CADM1: variants seen among roughly 807,000 people sequenced by gnomAD.
CADM1 encodes cell adhesion molecule 1.
CADM1 carries 15 observed loss-of-function variants against 53.1 expected under a neutral mutation model. The ratio of observed to expected loss-of-function variants is 0.28; its 90% CI spans 0.19 to 0.44. The LOEUF (loss-of-function observed/expected upper bound fraction) is 0.44, where lower values mean the gene tolerates loss of function less well. CADM1 is among the 20% of genes least tolerant of loss of function. CADM1 has a pLI of 1.00. For missense variants in CADM1, 434 were observed against 611.3 expected, an observed-to-expected ratio of 0.71 and a Z score of 3.06; for synonymous variants, 281 against 243.0, an observed-to-expected ratio of 1.16 and a Z score of -1.45.
chr11:115,199,017 T>C (rs563790827), intron 8 of CADM1, among the ~76,000 whole-genome samples: 2 of 152,238 alleles, frequency 1.3e-5, no homozygotes, highest in Non-Finnish European at 2.9e-5. Flanking sequence ...AGTGTATTAT[T>C]TCAGCATAGT....
At chr11:115,308,188 AGG>A (rs1491091753) in intron 1 of CADM1, among the ~76,000 whole-genome samples, 28 of 93,662 alleles carry the variant, frequency 3.0e-4, no homozygotes, top group South Asian at 4.5e-4. Flanking sequence ...TATCACTCAT[AGG>A]TGTGTATATA....
At chr11:115,478,146 T>C (rs1949176304) in intron 1 of CADM1, among the ~76,000 whole-genome samples, 1 of 152,196 alleles carries the variant, frequency 6.6e-6, no homozygotes, top group Non-Finnish European at 1.5e-5. Context: ...AACTATAAAT[T>C]ATACATAAAA....
At chr11:115,385,864 A>T (rs1032017214) in intron 1 of CADM1, among the ~76,000 whole-genome samples, 1 of 152,236 alleles carries the variant, frequency 6.6e-6, no homozygotes, top group Non-Finnish European at 1.5e-5. Flanking sequence ...AGTATAAAAA[A>T]TAGAAGCAAA....
intron 9 of CADM1, among the ~76,000 whole-genome samples, chr11:115,196,595 T>TAAAAAAAAAAAAACAAAA (rs1940160645): frequency 1.3e-5 from 1 of 76,894 alleles, no homozygotes; most frequent in Non-Finnish European, 2.3e-5. Flanking sequence ...GCTGATGAAC[T>TAAAAAAAAAAAAACAAAA]AAAAAAAAAA....
At chr11:115,274,957 T>C (rs1943404498) in intron 1 of CADM1, among the ~76,000 whole-genome samples, 1 of 152,210 alleles carries the variant, frequency 6.6e-6, no homozygotes, top group African/African-American at 2.4e-5. Flanking sequence ...TTTGCTGCCA[T>C]GGTATTTTCA....
In CADM1 at chr11:115,240,263, T is replaced by G; in HGVS notation, c.271+11A>C. 6.2e-7 allele frequency: 1 copy of G among 1,613,266 alleles called. No homozygotes were observed. Among genetic ancestry groups the G allele is most frequent in the Non-Finnish European group, 8.5e-7 (1 of 1,179,656 alleles). ...AAGTTGCCATCTACAACTATAGAGATGGAAACTTACGCCTGAAGTCCCTGA... is the reference window on the plus strand; with the variant it reads ...AAGTTGCCATCTACAACTATAGAGAGGGAAACTTACGCCTGAAGTCCCTGA... On this transcript the variant is annotated intron_variant, in intron 2 of 11. Transcript: ENST00000331581.
intron 8 of CADM1, among the ~76,000 whole-genome samples, chr11:115,207,677 C>T (rs773210805): frequency 2.6e-5 from 4 of 152,058 alleles, no homozygotes; most frequent in Non-Finnish European, 5.9e-5. Flanking sequence ...TTATATACCA[C>T]GTGAATAAGG....
Position 115,174,286 on chromosome 11 carries a change from TTTTTG to T in CADM1, c.*2183_*2187del. The T allele has an allele frequency of 2.0e-6, 2 of 985,542 alleles. No homozygotes were observed. Among genetic ancestry groups the T allele is most frequent in the Non-Finnish European group, 2.4e-6 (2 of 829,794 alleles). The allele number at this position is 985,542 out of a possible 1,614,324, so 61.0% of individuals were successfully genotyped here. ...GTGTGATTTTTTTTTTTTGTTTTTGTTTTTGTTTTTCTTTTTTTCTAAAAAGAACA... is the reference window on the plus strand; with the variant it reads ...GTGTGATTTTTTTTTTTTGTTTTTGTTTTTTCTTTTTTTCTAAAAAGAACA... On this transcript the variant is annotated 3_prime_UTR_variant, in exon 12 of 12. Coordinates refer to ENST00000331581, the MANE Select transcript of CADM1 (RefSeq NM_001301043.2).
chr11:115,235,976 A>C lies in CADM1; in HGVS notation c.424+2524T>G, dbSNP rs370686333. Among the ~76,000 whole-genome samples the C allele has an allele frequency of 2.4e-4, 36 of 152,330 alleles. No individual in the cohort carries two copies. In the South Asian group the frequency reaches 7.5e-3, roughly 32 times the overall value. Reference sequence around the variant, plus strand: ...CCTTAAAGGCAACAAATGCATACAAAATATCATAGGAGAGTCTTCAGATTT... The same window carrying C: ...CCTTAAAGGCAACAAATGCATACAACATATCATAGGAGAGTCTTCAGATTT... On this transcript the variant is annotated intron_variant, in intron 3 of 11. Coordinates refer to ENST00000331581, the MANE Select transcript of CADM1 (RefSeq NM_001301043.2).
Position 115,339,598 on chromosome 11 carries a change from T to C in CADM1, c.125-99178A>G, listed in dbSNP as rs371583585. Among the ~76,000 whole-genome samples the C allele has an allele frequency of 3.9e-5, 6 of 152,326 alleles. 1 individual carries two copies. Among genetic ancestry groups the C allele is most frequent in the South Asian group, 2.1e-4 (1 of 4,828 alleles). On this transcript the variant is annotated intron_variant, in intron 1 of 11. Transcript: ENST00000331581. ...CCACCCCTACCTTCTGCCTCTTCAC[T>C]AATTTTACTTATGCAGAGTTTAGTT...
chr11:115,262,082 C>T (rs939360959), intron 1 of CADM1, among the ~76,000 whole-genome samples: 4 of 151,874 alleles, frequency 2.6e-5, no homozygotes. Context: ...GATATTTTTA[C>T]GATTCAGTTT....
intron 10 of CADM1, among the ~76,000 whole-genome samples, chr11:115,185,825 C>T (rs777988594): frequency 4.7e-4 from 72 of 152,200 alleles, no homozygotes; most frequent in Non-Finnish European, 8.4e-4. Context: ...TATTTCCAAA[C>T]ATACATTTCC....
intron 1 of CADM1, among the ~76,000 whole-genome samples, chr11:115,463,521 T>C (rs909841468): frequency 6.6e-6 from 1 of 152,230 alleles, no homozygotes; most frequent in Non-Finnish European, 1.5e-5. Context: ...GAATGAGATA[T>C]ATATGTACAT....
Position 115,173,990 on chromosome 11 carries a change from C to T in CADM1, c.*2484G>A, listed in dbSNP as rs932013019. The T allele has an allele frequency of 1.9e-4, 186 of 957,082 alleles. No homozygotes were observed. Among genetic ancestry groups the T allele is most frequent in the Non-Finnish European group, 2.3e-4 (182 of 804,232 alleles). 59.3% of individuals were successfully genotyped at this position (957,082 alleles called of 1,614,324 possible). The stretch of plus-strand genomic sequence containing the variant: ...TCAACAATACATTTCAAACAGTGCA[C>T]TGTATACTTAAGAAAAAATACATAA... On this transcript the variant is annotated 3_prime_UTR_variant, in exon 12 of 12. Coordinates refer to ENST00000331581, the MANE Select transcript of CADM1 (RefSeq NM_001301043.2).
At chr11:115,258,437 T>C (rs754222669) in intron 1 of CADM1, among the ~76,000 whole-genome samples, 17 of 152,190 alleles carry the variant, frequency 1.1e-4, no homozygotes, top group Admixed American at 2.6e-4. Flanking sequence ...AAGAAAAGCA[T>C]GGCAAACAAG....
At position 115,169,514 on chromosome 11, in the gene CADM1, GTAA is replaced by G; in HGVS notation, c.*6957_*6959del. On this transcript the variant is annotated 3_prime_UTR_variant, in exon 12 of 12. Coordinates refer to ENST00000331581, the MANE Select transcript of CADM1 (RefSeq NM_001301043.2). ...CCCAAGTAGGACATTTCAGTTGACAGTAATGGCATTTTCCCTTCCTTGTCCAAA... is the reference window on the plus strand; with the variant it reads ...CCCAAGTAGGACATTTCAGTTGACAGTGGCATTTTCCCTTCCTTGTCCAAA... The G allele has an allele frequency of 4.5e-6, 2 of 448,764 alleles. No homozygotes were observed. Among genetic ancestry groups the G allele is most frequent in the Non-Finnish European group, 8.9e-6 (2 of 223,864 alleles). 27.8% of individuals were successfully genotyped at this position (448,764 alleles called of 1,614,324 possible).
chr11:115,349,981 G>A (rs1945683847), intron 1 of CADM1, among the ~76,000 whole-genome samples: 2 of 151,866 alleles, frequency 1.3e-5, no homozygotes, highest in Non-Finnish European at 2.9e-5. Flanking sequence ...TTTGTTTTTT[G>A]TTTTTTTGAG....
Position 115,174,764 on chromosome 11 carries a change from T to A in CADM1, c.*1710A>T. On this transcript the variant is annotated 3_prime_UTR_variant, in exon 12 of 12. Coordinates refer to ENST00000331581, the MANE Select transcript of CADM1 (RefSeq NM_001301043.2). ...ATATATATTTATATATATATATAGA[T>A]CTATCTTTTTTGATGCCATCTTTCC... 2 of 890,538 alleles carry A rather than the reference T, an allele frequency of 2.2e-6. No homozygotes were observed. 55.2% of individuals were successfully genotyped at this position (890,538 alleles called of 1,614,324 possible).
chr11:115,245,927 T>C (rs571545511), intron 1 of CADM1, among the ~76,000 whole-genome samples: 12 of 152,332 alleles, frequency 7.9e-5, no homozygotes, highest in East Asian at 7.7e-4. Context: ...AGAAACCTAT[T>C]TGAATTAATA....
Sources: allele counts gnomAD v4.1 joint callset (sites outside exome capture counted in the v4.1 genomes callset), GRCh38; gene constraint gnomAD v4.1.1; transcripts MANE v1.5; gene names NCBI Gene and HGNC (gene_info 2026-07-23, HGNC 2026-07-21).